The following ABTB2 variants were observed in gnomAD, a reference collection of about 807,000 sequenced individuals.
ABTB2 encodes the protein ankyrin repeat and BTB/POZ domain-containing protein 2.
A neutral mutation model predicts 104.1 loss-of-function variants in ABTB2; 56 were observed. That is an observed-to-expected ratio of 0.54 (90% CI 0.43 to 0.67). The LOEUF is 0.67. ABTB2 is among the 30% of genes least tolerant of loss of function. The pLI is 0.00. For missense variants in ABTB2, 1,279 were observed against 1,407.7 expected (o/e 0.91, Z 1.46); for synonymous variants, 606 against 608.2 (o/e 1.00, Z 0.05).
chr11:34,274,966 G>A (rs906992049), intron 1 of ABTB2, among the ~76,000 whole-genome samples: 6 of 152,264 alleles, frequency 3.9e-5, no homozygotes, highest in South Asian at 4.2e-4. Context: ...TGGATGCTCC[G>A]ACTCCCGCCT....
At chr11:34,312,063 C>T (rs940699896) in intron 1 of ABTB2, among the ~76,000 whole-genome samples, 10 of 151,998 alleles carry the variant, frequency 6.6e-5, no homozygotes, top group African/African-American at 2.2e-4. Flanking sequence ...ATTGCTTGAA[C>T]CCAGGAGGTG....
intron 9 of ABTB2, among the ~76,000 whole-genome samples, chr11:34,163,844 G>GC (rs1430349963): frequency 6.6e-6 from 1 of 152,224 alleles, no homozygotes; most frequent in East Asian, 1.9e-4. Flanking sequence ...AGGCAGATGA[G>GC]CAGGCAGGCA....
intron 1 of ABTB2, among the ~76,000 whole-genome samples, chr11:34,238,043 T>C (rs1327131201): frequency 1.3e-5 from 2 of 152,190 alleles, no homozygotes; most frequent in Non-Finnish European, 2.9e-5. Context: ...CATAAATATA[T>C]ATACCTGCTA....
intron 1 of ABTB2, among the ~76,000 whole-genome samples, chr11:34,250,675 T>C (rs1854044682): frequency 6.6e-6 from 1 of 152,138 alleles, no homozygotes; most frequent in Non-Finnish European, 1.5e-5. Flanking sequence ...GAGCAATTCC[T>C]CCCAATCCTC....
intron 1 of ABTB2, among the ~76,000 whole-genome samples, chr11:34,226,509 C>T (rs1853688611): frequency 6.6e-6 from 1 of 152,198 alleles, no homozygotes; most frequent in South Asian, 2.1e-4. Flanking sequence ...ATGGCTTTAA[C>T]ATAAAACACG....
chr11:34,227,839 A>C (rs201221942), intron 1 of ABTB2, among the ~76,000 whole-genome samples: 9 of 150,100 alleles, frequency 6.0e-5, no homozygotes, highest in East Asian at 2.0e-4. Flanking sequence ...GGTTCAAGCA[A>C]TTCTCCTGCC....
intron 1 of ABTB2, among the ~76,000 whole-genome samples, chr11:34,328,149 G>A (rs1320847660): frequency 6.6e-6 from 1 of 152,192 alleles, no homozygotes; most frequent in Non-Finnish European, 1.5e-5. Flanking sequence ...GAGAGATCAC[G>A]TGGGTCAGAC....
At position 34,154,307 on chromosome 11, in the gene ABTB2, G is replaced by C. The variant is rs116088554; in HGVS notation, c.2838C>G (p.Thr946=). ...QRHCEILCSQ[T]LSMESAVNTY... ...TGTTCACGGCACTCTCCATGCTGAG[G>C]GTCTGGGAGCACAGGATCTCGCAGT... is the stretch of plus-strand genomic sequence containing the variant. Residue 946 remains threonine, a synonymous_variant, in exon 16 of 17, where the codon ACC becomes ACG. Coordinates refer to ENST00000435224, the MANE Select transcript of ABTB2 (RefSeq NM_145804.3). This position sits in a 1 kb window ranked among gnomAD's most constrained non-coding sequence, Gnocchi z 4.9. 8.1e-6 allele frequency: 13 copies of C among 1,614,090 alleles called. No homozygotes were observed. The highest frequency in any genetic ancestry group is 1.1e-5 in the Non-Finnish European group (13 of 1,180,006).
rs139765182 is a variant in ABTB2, at chr11:34,335,225, C to T, written c.883+21476G>A. 4.5e-5 allele frequency: 58 copies of T among 1,275,854 alleles called. No homozygotes were observed. In the African/African-American group the frequency reaches 4.8e-4, roughly 11 times the overall value. The allele number at this position is 1,275,854 out of a possible 1,614,324, so 79.0% of individuals were successfully genotyped here. On this transcript the variant is annotated intron_variant, in intron 1 of 16. Coordinates refer to ENST00000435224, the MANE Select transcript of ABTB2 (RefSeq NM_145804.3). ...GACTATGACGAATCACTTTAAGCAT[C>T]GAAGGTCATCAACAGAGAATCCTAA...
chr11:34,180,670 G>A (rs1433267806), intron 3 of ABTB2, among the ~76,000 whole-genome samples: 2 of 152,132 alleles, frequency 1.3e-5, no homozygotes, highest in Non-Finnish European at 2.9e-5. Context: ...AGGAGGAAAA[G>A]GAAACCCAGA....
chr11:34,292,008 C>T (rs1854569235), intron 1 of ABTB2, among the ~76,000 whole-genome samples: 1 of 151,894 alleles, frequency 6.6e-6, no homozygotes, highest in Non-Finnish European at 1.5e-5. Flanking sequence ...ACATTTAAAA[C>T]ATAAGCCATA....
At position 34,162,578 on chromosome 11, in the gene ABTB2, A is replaced by G. The variant is rs570769363; in HGVS notation, c.2216T>C (p.Leu739Pro). The G allele has an allele frequency of 6.2e-7, 1 of 1,613,210 alleles. No homozygotes were observed. Among genetic ancestry groups the G allele is most frequent in the African/African-American group, 1.3e-5 (1 of 75,048 alleles). Residue 739 changes from leucine to proline, a missense_variant and splice_region_variant, in exon 10 of 17, where the codon CTG (leucine) becomes CCG (proline). Transcript: ENST00000435224. ...YVDITMELRA[L>P]GVPWKLHIWI... The stretch of plus-strand genomic sequence containing the variant: ...TGTGCATGCCCGTGAGGCCTCACCC[A>G]GTGCCCTCAGCTCCATGGTGATGTC...
chr11:34,285,371 C>T (rs576547525), intron 1 of ABTB2, among the ~76,000 whole-genome samples: 4 of 152,206 alleles, frequency 2.6e-5, no homozygotes, highest in East Asian at 1.9e-4. Context: ...GGACCTAGTG[C>T]GTGCTTTGCT....
chr11:34,197,943 CT>C (rs1447276844), intron 2 of ABTB2, among the ~76,000 whole-genome samples: 16 of 152,220 alleles, frequency 1.1e-4, no homozygotes, highest in Non-Finnish European at 1.5e-5. Context: ...CCTGCACTGT[CT>C]TGTACAAAAC....
At chr11:34,193,757 G>A (rs1337095565) in intron 3 of ABTB2, among the ~76,000 whole-genome samples, 1 of 152,226 alleles carries the variant, frequency 6.6e-6, no homozygotes, top group African/African-American at 2.4e-5. Flanking sequence ...AGGGCCCTCT[G>A]AGCCCAGGCC....
intron 1 of ABTB2, among the ~76,000 whole-genome samples, chr11:34,223,946 C>T (rs1853656815): frequency 6.6e-6 from 1 of 152,154 alleles, no homozygotes; most frequent in African/African-American, 2.4e-5. Context: ...TCCAGGAGCC[C>T]AGGACCTCAC....
chr11:34,197,383 T>C lies in ABTB2; in HGVS notation c.1186A>G (p.Met396Val). The C allele has an allele frequency of 6.2e-7, 1 of 1,613,906 alleles. No individual in the cohort carries two copies. The highest frequency in any genetic ancestry group is 8.5e-7 in the Non-Finnish European group (1 of 1,179,924). ...AGGTTGGGGTTCTCCATGGACTCCATCTGTGGACACCGCAGAAAGTAGTAG... is the reference window on the plus strand; with the variant it reads ...AGGTTGGGGTTCTCCATGGACTCCACCTGTGGACACCGCAGAAAGTAGTAG... ...TLYYFLRCPQ[M>V]ESMENPNLDP... The change falls in exon 3 of 17, where the codon ATG (methionine) becomes GTG (valine). Residue 396 changes from methionine (M) to valine (V), a missense_variant. Met to Val is a conservative substitution (Grantham distance 21, BLOSUM62 1). Coordinates refer to ENST00000435224, the MANE Select transcript of ABTB2 (RefSeq NM_145804.3).
intron 1 of ABTB2, among the ~76,000 whole-genome samples, chr11:34,247,305 G>C (rs1035482173): frequency 6.6e-6 from 1 of 152,212 alleles, no homozygotes; most frequent in Admixed American, 6.5e-5. Flanking sequence ...GAGACAGCTG[G>C]TCCCTGACTT....
At position 34,356,441 on chromosome 11, in the gene ABTB2, A is replaced by G. The variant is rs1855464903; in HGVS notation, c.883+260T>C. ...TGGTCAAGAGATTCAATCTCACCCA[A>G]TCAATGAACAGCCCGCAGATAGTAA... On this transcript the variant is annotated intron_variant, in intron 1 of 16. Coordinates refer to ENST00000435224, the MANE Select transcript of ABTB2 (RefSeq NM_145804.3). This position sits in a 1 kb window ranked among gnomAD's most constrained non-coding sequence, Gnocchi z 4.6. Among the ~76,000 whole-genome samples, 1 of 152,206 alleles carries G rather than the reference A, an allele frequency of 6.6e-6. No homozygotes were observed. Among genetic ancestry groups the G allele is most frequent in the Non-Finnish European group, 1.5e-5 (1 of 68,040 alleles).
Sources: gnomAD v4.1 joint callset for allele counts (sites outside exome capture counted in the v4.1 genomes callset) on GRCh38, gnomAD v4.1.1 for gene constraint, Gnocchi (gnomAD v3.1) non-coding constraint, MANE v1.5 for transcripts, NCBI Gene and HGNC (gene_info 2026-07-23, HGNC 2026-07-21) for gene names.